Variants in NLRX1 observed in about 807,000 individuals in gnomAD.
NLRX1 encodes NOD-like receptor X1.
A neutral mutation model predicts 74.2 loss-of-function variants in NLRX1; 67 were observed. The observed-to-expected ratio is 0.90, with a 90% CI of 0.74 to 1.11. The LOEUF is 1.11. NLRX1 is among the 50% of genes least tolerant of loss of function. The probability of loss-of-function intolerance (pLI) is 0.00; values close to 1 mark genes in which losing one functional copy is unlikely to be tolerated. For missense variants in NLRX1, 1,191 were observed against 1,305.4 expected (o/e 0.91, Z 1.35); for synonymous variants, 506 against 559.1 (o/e 0.91, Z 1.34).
chr11:119,174,335 C>T, intron 5 of NLRX1, 118 bp from the exon 6 acceptor site: 2 of 1,153,282 alleles, frequency 1.7e-6, no homozygotes, highest in Admixed American at 4.2e-5. Context: ...CTAGTTATAA[C>T]TGTTATCCTC....
intron 8 of NLRX1, among the ~76,000 whole-genome samples, chr11:119,181,763 T>A (rs1443227167): frequency 6.6e-6 from 1 of 151,500 alleles, no homozygotes; most frequent in Non-Finnish European, 1.5e-5. Flanking sequence ...AAGCAGAGGC[T>A]GTGGAGGGGG....
At chr11:119,174,242 CT>C in intron 5 of NLRX1, 144 bp downstream of exon 5, 4 of 1,184,454 alleles carry the variant, frequency 3.4e-6, no homozygotes, top group Non-Finnish European at 4.7e-6. Context: ...CTGTTCCTTT[CT>C]TTTTGAGTTG....
chr11:119,174,335 CTG>C (rs1948635809), intron 5 of NLRX1, 116 bp from the exon 6 acceptor site: 7 of 1,153,282 alleles, frequency 6.1e-6, no homozygotes, highest in Non-Finnish European at 8.7e-6. Context: ...CTAGTTATAA[CTG>C]TTATCCTCAT....
chr11:119,178,792 T>G (rs996040126), intron 6 of NLRX1, among the ~76,000 whole-genome samples: 1 of 148,832 alleles, frequency 6.7e-6, no homozygotes, highest in Non-Finnish European at 1.5e-5. Context: ...ATCCCTGACC[T>G]CCAGTGCTCA....
rs759949338 is a variant in NLRX1, at chr11:119,175,320, C to T, written c.1671+46C>T. ...ACCCCCCAACCTGCTCCTTCCCTCC[C>T]CAGCACCCCAAGCCGCCCACGCCCC... On this transcript the variant is annotated intron_variant, in intron 6 of 9. Transcript: ENST00000409109. 3.2e-6 allele frequency: 5 copies of T among 1,547,760 alleles called. No individual in the cohort carries two copies. In the African/African-American group the frequency reaches 5.4e-5, roughly 17 times the overall value.
chr11:119,182,402 A>C, intron 9 of NLRX1, 57 bp downstream of exon 9: 1 of 1,574,056 alleles, frequency 6.4e-7, no homozygotes, highest in Non-Finnish European at 8.6e-7. Flanking sequence ...TCCCTCTCTC[A>C]ACTGTGCTCC....
At position 119,183,383 on chromosome 11, in the gene NLRX1, C is replaced by A. The variant is rs1029300069; in HGVS notation, c.2872C>A (p.Arg958=). The A allele has an allele frequency of 1.9e-6, 3 of 1,613,972 alleles. No individual in the cohort carries two copies. Among genetic ancestry groups the A allele is most frequent in the African/African-American group, 2.7e-5 (2 of 74,934 alleles). ...TCCTTGGCGCAAGGCCCAGCTGCTGCGAGTGGAGGGCGAGGTCAGGGCCCT... is the reference window on the plus strand; with the variant it reads ...TCCTTGGCGCAAGGCCCAGCTGCTGAGAGTGGAGGGCGAGGTCAGGGCCCT... ...LNPWRKAQLL[R]VEGEVRALLE... The change falls in exon 10 of 10, where the codon CGA becomes AGA. Residue 958 remains arginine, a synonymous_variant. Coordinates refer to ENST00000409109, the MANE Select transcript of NLRX1 (RefSeq NM_001282144.2). This position sits in a 1 kb window ranked among gnomAD's most constrained non-coding sequence, Gnocchi z 5.7.
intron 9 of NLRX1, 143 bp downstream of exon 9, chr11:119,182,488 A>C: frequency 8.0e-7 from 1 of 1,244,526 alleles, no homozygotes; most frequent in Non-Finnish European, 1.1e-6. Flanking sequence ...GATCCTTGTC[A>C]ACCTAGCTCT....
At position 119,180,299 on chromosome 11, in the gene NLRX1, ATCC is replaced by A; in HGVS notation, c.2267+14_2267+16del. ...TGCCCGGAAGCTGGGGTGAGGACCT[ATCC>A]TCATGCACAGGCATGAAGAGGGAAG... is the stretch of plus-strand genomic sequence containing the variant. On this transcript the variant is annotated intron_variant, in intron 7 of 9. Coordinates refer to ENST00000409109, the MANE Select transcript of NLRX1 (RefSeq NM_001282144.2). 6.4e-7 allele frequency: 1 copy of A among 1,552,176 alleles called. No individual in the cohort carries two copies. The highest frequency in any genetic ancestry group is 1.4e-5 in the African/African-American group (1 of 73,994).
chr11:119,181,313 C>T lies in NLRX1; in HGVS notation c.2354+56C>T, dbSNP rs566061526. 9 of 1,369,742 alleles carry T rather than the reference C, an allele frequency of 6.6e-6. No individual in the cohort carries two copies. In the East Asian group the frequency reaches 1.4e-4, roughly 21 times the overall value. The allele number at this position is 1,369,742 out of a possible 1,614,324, so 84.8% of individuals were successfully genotyped here. On this transcript the variant is annotated intron_variant, in intron 8 of 9. Transcript: ENST00000409109. The stretch of plus-strand genomic sequence containing the variant: ...GGCCAGCTAAGGTCAAGGGTGAGCT[C>T]CCTGCTTCCTGACATACTTGGCACA...
rs200075469 is a variant in NLRX1, at chr11:119,174,589, C to G, written c.986C>G (p.Pro329Arg). ...KLYFQLRLNQ[P>R]YCGYAVGGSG... ...TACTTCCAGCTCCGCCTCAACCAGCCGTACTGCGGGTATGCCGTTGGCGGT... is the reference window on the plus strand; with the variant it reads ...TACTTCCAGCTCCGCCTCAACCAGCGGTACTGCGGGTATGCCGTTGGCGGT... Residue 329 changes from proline to arginine, a missense_variant, in exon 6 of 10, where the codon CCG (proline) becomes CGG (arginine). Transcript: ENST00000409109. The G allele has an allele frequency of 2.5e-6, 4 of 1,614,062 alleles. No individual in the cohort carries two copies. Among genetic ancestry groups the G allele is most frequent in the Middle Eastern group, 1.6e-4 (1 of 6,084 alleles).
At chr11:119,171,911 C>T (rs1285005948) in intron 2 of NLRX1, among the ~76,000 whole-genome samples, 1 of 151,516 alleles carries the variant, frequency 6.6e-6, no homozygotes, top group Non-Finnish European at 1.5e-5. Context: ...GCTGAGATCG[C>T]ACCATTGCAC....
At chr11:119,172,701 G>T (rs1664103174) in intron 3 of NLRX1, among the ~76,000 whole-genome samples, 200 bp from the exon 4 acceptor site, 1 of 152,198 alleles carries the variant, frequency 6.6e-6, no homozygotes, top group South Asian at 2.1e-4. Context: ...TCAGCAGTGG[G>T]GTCTGGAGGG....
At chr11:119,176,713 A>G (rs1948712753) in intron 6 of NLRX1, among the ~76,000 whole-genome samples, 1 of 152,092 alleles carries the variant, frequency 6.6e-6, no homozygotes, top group Non-Finnish European at 1.5e-5. Flanking sequence ...AACAAAATTA[A>G]ATTAAATTAA....
intron 8 of NLRX1, 111 bp downstream of exon 8, chr11:119,181,368 G>C (rs558310559): frequency 1.6e-4 from 127 of 801,730 alleles, no homozygotes; most frequent in African/African-American, 1.3e-3. Flanking sequence ...AAATGGAGGA[G>C]AGTCTAGGCC....
rs756902245 is a variant in NLRX1 at position 119,179,862 on chromosome 11, C to T, written c.1841C>T (p.Pro614Leu). The T allele has an allele frequency of 1.2e-6, 2 of 1,614,006 alleles. No homozygotes were observed. Among genetic ancestry groups the T allele is most frequent in the South Asian group, 1.1e-5 (1 of 91,058 alleles). The change falls in exon 7 of 10, where the codon CCC becomes CTC. Residue 614 changes from proline (P) to leucine (L), a missense_variant. Physicochemically the swap from Pro to Leu is moderately conservative, Grantham distance 98 (BLOSUM62 -3). Transcript: ENST00000409109. The stretch of plus-strand genomic sequence containing the variant: ...GGCCCCCGGCGCCACCCAGATGAGC[C>T]CCCTGAGGATGAAGTCTTCGAGCTC... ...VEGPRRHPDE[P>L]PEDEVFELFP... is the part of the protein sequence containing the mutation.
intron 7 of NLRX1, among the ~76,000 whole-genome samples, chr11:119,180,696 C>T (rs544287823): frequency 1.2e-4 from 17 of 144,560 alleles, no homozygotes; most frequent in African/African-American, 4.1e-4. Context: ...AGCAAAACTC[C>T]GTCTCAAAAA....
intron 7 of NLRX1, among the ~76,000 whole-genome samples, chr11:119,180,939 G>A (rs1948821963): frequency 6.6e-6 from 1 of 152,144 alleles, no homozygotes; most frequent in South Asian, 2.1e-4. Flanking sequence ...TACTCGGGAG[G>A]CTGAGGTGGG....
intron 9 of NLRX1, among the ~76,000 whole-genome samples, chr11:119,182,831 A>G (rs1462535241): frequency 1.3e-5 from 2 of 151,884 alleles, no homozygotes; most frequent in African/African-American, 4.8e-5. Context: ...AGGTTGCAGT[A>G]AGCCGAGATC....
Sources: allele counts gnomAD v4.1 joint callset (sites outside exome capture counted in the v4.1 genomes callset), GRCh38; gene constraint gnomAD v4.1.1; non-coding constraint Gnocchi (gnomAD v3.1); transcripts MANE v1.5; gene names NCBI Gene and HGNC (gene_info 2026-07-23, HGNC 2026-07-21).